The following CNKSR3 variants were observed in gnomAD, a reference collection of about 807,000 sequenced individuals.
CNKSR3 encodes the protein CNKSR family member 3.
Under a neutral mutation model 67.7 loss-of-function variants are expected in CNKSR3, and 36 were observed. That is an observed-to-expected ratio of 0.53 (90% CI 0.41 to 0.70). The LOEUF (loss-of-function observed/expected upper bound fraction) is 0.70. Among genes scored for constraint, CNKSR3 ranks in the 30% least tolerant of loss-of-function variants. The pLI is 0.00. For missense variants in CNKSR3, 630 were observed against 695.2 expected (o/e 0.91, Z 1.05); for synonymous variants, 281 against 271.4 (o/e 1.04, Z -0.35).
intron 7 of CNKSR3, among the ~76,000 whole-genome samples, chr6:154,424,148 C>T (rs1486139079): frequency 6.7e-6 from 1 of 149,800 alleles, no homozygotes; most frequent in African/African-American, 2.5e-5. Flanking sequence ...AGGAGAATGG[C>T]GTGAACCCAG....
At position 154,405,154 on chromosome 6, in the gene CNKSR3, G is replaced by A. The variant is rs1172120615; in HGVS notation, c.*1200C>T. On this transcript the variant is annotated 3_prime_UTR_variant, in exon 13 of 13. Coordinates refer to ENST00000607772, the MANE Select transcript of CNKSR3 (RefSeq NM_173515.4). ...ATCCATAAAATCCCAAAATGCTTGG[G>A]AGGGTTTATTTTGATTTTTTTTAAC... 1.3e-5 allele frequency: 2 copies of A among 152,536 alleles called. No individual in the cohort carries two copies. Among genetic ancestry groups the A allele is most frequent in the South Asian group, 2.1e-4 (1 of 4,832 alleles). The allele number at this position is 152,536 out of a possible 1,614,324, so 9.4% of individuals were successfully genotyped here.
chr6:154,502,164 C>A (rs983069131), intron 1 of CNKSR3, among the ~76,000 whole-genome samples: 1 of 151,592 alleles, frequency 6.6e-6, no homozygotes, highest in Non-Finnish European at 1.5e-5. Context: ...ATATGCCATA[C>A]GTTATGCAAA....
chr6:154,446,802 C>CTTT (rs765120948), intron 2 of CNKSR3, among the ~76,000 whole-genome samples: 3 of 120,360 alleles, frequency 2.5e-5, no homozygotes, highest in African/African-American at 3.5e-5. Flanking sequence ...TCATACTTAT[C>CTTT]TTTTTTTTTT....
chr6:154,481,031 T>C (rs1786555762), intron 1 of CNKSR3, among the ~76,000 whole-genome samples: 1 of 152,182 alleles, frequency 6.6e-6, no homozygotes, highest in Non-Finnish European at 1.5e-5. Context: ...ATTTGATATT[T>C]ACTTATTTAT....
chr6:154,430,384 T>C (rs2128715427), intron 6 of CNKSR3, 88 bp downstream of exon 6: 1 of 1,213,346 alleles, frequency 8.2e-7, no homozygotes, highest in Middle Eastern at 2.0e-4. Context: ...TTCAGAATTA[T>C]AGTGAAAGCA....
chr6:154,507,951 A>AAAC (rs58124833), intron 1 of CNKSR3, among the ~76,000 whole-genome samples: 2,883 of 152,184 alleles, frequency 0.019, 88 homozygotes, highest in African/African-American at 0.065. Flanking sequence ...AGAGGGACAA[A>AAAC]AACAACAACA....
chr6:154,510,235 C>A lies in CNKSR3; in HGVS notation c.-121G>T. 1 of 1,156,930 alleles carries A rather than the reference C, an allele frequency of 8.6e-7. No homozygotes were observed. Among genetic ancestry groups the A allele is most frequent in the Non-Finnish European group, 1.3e-6 (1 of 789,858 alleles). The allele number at this position is 1,156,930 out of a possible 1,614,324, so 71.7% of individuals were successfully genotyped here. A position where few individuals can be genotyped will look rare whatever the true frequency, so the allele number is the denominator to read the frequency against. ...CTGCTCCCCTGCGCCCGAGCGACTC[C>A]GTCAAGACTGCATGGCCGCGGTCAG... On this transcript the variant is annotated 5_prime_UTR_variant, in exon 1 of 13. Coordinates refer to ENST00000607772, the MANE Select transcript of CNKSR3 (RefSeq NM_173515.4).
intron 1 of CNKSR3, among the ~76,000 whole-genome samples, chr6:154,486,990 G>A (rs1274305781): frequency 6.6e-6 from 1 of 151,442 alleles, no homozygotes; most frequent in Non-Finnish European, 1.5e-5. Flanking sequence ...TTTTTTGCGG[G>A]GGCAGGTGGT....
rs563105233 is a variant in CNKSR3 at position 154,509,446 on chromosome 6, G to C, written c.52+617C>G. On this transcript the variant is annotated intron_variant, in intron 1 of 12. Coordinates refer to ENST00000607772, the MANE Select transcript of CNKSR3 (RefSeq NM_173515.4). ...ATGCAGCGCCACCGGGGATACTGGCGCCTCCCGGAGCAAAAGTCACTGCCT... is the reference window on the plus strand; with the variant it reads ...ATGCAGCGCCACCGGGGATACTGGCCCCTCCCGGAGCAAAAGTCACTGCCT... 3.9e-5 allele frequency among the ~76,000 whole-genome samples: 6 copies of C among 152,284 alleles called. No homozygotes were observed. In the East Asian group the frequency reaches 1.2e-3, roughly 29 times the overall value.
At chr6:154,470,249 G>A (rs1288152536) in intron 1 of CNKSR3, among the ~76,000 whole-genome samples, 1 of 126,126 alleles carries the variant, frequency 7.9e-6, no homozygotes, top group South Asian at 2.6e-4. Flanking sequence ...TGCCCAGGCT[G>A]GAGTGCAGTG....
At chr6:154,419,136 C>A (rs1160967168) in intron 9 of CNKSR3, among the ~76,000 whole-genome samples, 1 of 150,632 alleles carries the variant, frequency 6.6e-6, no homozygotes, top group African/African-American at 2.4e-5. Context: ...CAGTCTCAAG[C>A]AATCCTCCCA....
chr6:154,472,000 A>C (rs556216727), intron 1 of CNKSR3, among the ~76,000 whole-genome samples: 19 of 152,208 alleles, frequency 1.2e-4, no homozygotes, highest in Non-Finnish European at 2.8e-4. Context: ...CTCTAGCTGC[A>C]AGCACCTGGC....
Position 154,405,633 on chromosome 6 carries a change from T to C in CNKSR3, c.*721A>G, listed in dbSNP as rs1000519801. On this transcript the variant is annotated 3_prime_UTR_variant, in exon 13 of 13. Coordinates refer to ENST00000607772, the MANE Select transcript of CNKSR3 (RefSeq NM_173515.4). ...ATACTTTGGCTGTCAGCGAATCTTA[T>C]AGCTTCTTTTCCCTTAAAGACAATA... 1.2e-4 allele frequency: 18 copies of C among 152,358 alleles called. No homozygotes were observed. The highest frequency in any genetic ancestry group is 5.8e-4 in the East Asian group (3 of 5,192). The allele number at this position is 152,358 out of a possible 1,614,324, so 9.4% of individuals were successfully genotyped here.
Position 154,459,132 on chromosome 6 carries a change from G to GAGAAAGAA in CNKSR3, c.53-8882_53-8875dup, listed in dbSNP as rs749453564. On this transcript the variant is annotated intron_variant, in intron 1 of 12. Coordinates refer to ENST00000607772, the MANE Select transcript of CNKSR3 (RefSeq NM_173515.4). ...AAGAAAGAAAGAGAAGAAAAAGAGA[G>GAGAAAGAA]AGAAAGAAAGAAAGAAAGAAAGGAA... Among the ~76,000 whole-genome samples, 9 of 148,028 alleles carry GAGAAAGAA rather than the reference G, an allele frequency of 6.1e-5. 1 individual carries two copies. The highest frequency in any genetic ancestry group is 1.4e-4 in the Admixed American group (2 of 14,224).
rs1325844439 is a variant in CNKSR3, at chr6:154,401,453, C to T, written c.*4901G>A. The T allele has an allele frequency of 2.0e-5, 3 of 153,460 alleles. No homozygotes were observed. Among genetic ancestry groups the T allele is most frequent in the Non-Finnish European group, 4.3e-5 (3 of 69,110 alleles). 9.5% of individuals were successfully genotyped at this position (153,460 alleles called of 1,614,324 possible). A position where few individuals can be genotyped will look rare whatever the true frequency, so the allele number is the denominator to read the frequency against. ...GGAACTCACCTTGATCTTGGACTTC[C>T]CAGCCTCCAGAACGGTGAGAAATTT... On this transcript the variant is annotated 3_prime_UTR_variant, in exon 13 of 13. Transcript: ENST00000607772.
intron 1 of CNKSR3, among the ~76,000 whole-genome samples, chr6:154,462,381 A>T (rs1048494962): frequency 6.6e-6 from 1 of 152,084 alleles, no homozygotes; most frequent in African/African-American, 2.4e-5. Context: ...CACATAATGG[A>T]TCCTGCACAT....
intron 1 of CNKSR3, among the ~76,000 whole-genome samples, chr6:154,506,374 A>T (rs985390460): frequency 6.6e-6 from 1 of 152,216 alleles, no homozygotes; most frequent in Non-Finnish European, 1.5e-5. Context: ...AGAAGGAAAA[A>T]GAAAGAAATT....
rs1785761812 is a variant in CNKSR3, at chr6:154,448,736, G to A, written c.216+1359C>T. Among the ~76,000 whole-genome samples the A allele has an allele frequency of 2.0e-5, 3 of 152,302 alleles. No individual in the cohort carries two copies. In the South Asian group the frequency reaches 6.2e-4, roughly 32 times the overall value. Reference sequence around the variant, plus strand: ...TTCCCCATTACTTTCCTAAACAAGAGCAGCACATCTCAGAGCAGAAGACAA... The same window carrying A: ...TTCCCCATTACTTTCCTAAACAAGAACAGCACATCTCAGAGCAGAAGACAA... On this transcript the variant is annotated intron_variant, in intron 2 of 12. Coordinates refer to ENST00000607772, the MANE Select transcript of CNKSR3 (RefSeq NM_173515.4).
At chr6:154,450,312 C>T in intron 1 of CNKSR3, 54 bp from the exon 2 acceptor site, 1 of 1,559,462 alleles carries the variant, frequency 6.4e-7, no homozygotes. Context: ...TTTACCCACC[C>T]CCTGCAAACT....
Sources: gnomAD v4.1 joint callset for allele counts (sites outside exome capture counted in the v4.1 genomes callset) on GRCh38, gnomAD v4.1.1 for gene constraint, MANE v1.5 for transcripts, NCBI Gene and HGNC (gene_info 2026-07-23, HGNC 2026-07-21) for gene names.